PNPLA5: variants seen among roughly 807,000 people sequenced by gnomAD.
The protein encoded by PNPLA5 is patatin-like phospholipase domain-containing protein 5.
Under a neutral mutation model 49.1 loss-of-function variants are expected in PNPLA5, and 44 were observed. The ratio of observed to expected loss-of-function variants is 0.90; its 90% CI spans 0.70 to 1.15. PNPLA5 has a LOEUF of 1.15. PNPLA5 is among the 50% of genes most tolerant of loss of function. The pLI is 0.00. For missense variants in PNPLA5, 603 were observed against 564.0 expected (o/e 1.07, Z -0.70); for synonymous variants, 243 against 244.4 (o/e 0.99, Z 0.06).
chr22:43,887,244 C>T (rs1319465577), intron 5 of PNPLA5, among the ~76,000 whole-genome samples: 1 of 152,132 alleles, frequency 6.6e-6, no homozygotes, highest in Non-Finnish European at 1.5e-5. Context: ...GCTTATCTGT[C>T]ACTGCCTCCA....
intron 2 of PNPLA5, 65 bp downstream of exon 2, chr22:43,890,997 G>C: frequency 6.4e-7 from 1 of 1,553,432 alleles, no homozygotes. Flanking sequence ...GAAGTACCTG[G>C]ATGTCACTCT....
chr22:43,889,319 C>T lies in PNPLA5; in HGVS notation c.702+10G>A. 2.5e-6 allele frequency: 4 copies of T among 1,613,166 alleles called. No homozygotes were observed. Among genetic ancestry groups the T allele is most frequent in the Non-Finnish European group, 3.4e-6 (4 of 1,179,862 alleles). ...CCAAGCCTCTAACACCATCACAGGG[C>T]CAGACCTACCTCGAGGCTGGGGGGT... On this transcript the variant is annotated intron_variant, in intron 4 of 8. Transcript: ENST00000216177.
intron 7 of PNPLA5, 90 bp from the exon 8 acceptor site, chr22:43,881,764 G>C: frequency 6.6e-7 from 1 of 1,518,542 alleles, no homozygotes; most frequent in African/African-American, 1.4e-5. Flanking sequence ...GAGCACAGCC[G>C]GGAGCCCTGC....
chr22:43,886,575 C>A, intron 5 of PNPLA5, 87 bp from the exon 6 acceptor site: 1 of 1,507,152 alleles, frequency 6.6e-7, no homozygotes, highest in South Asian at 1.3e-5. Context: ...GAGCCCAAAC[C>A]CAGTTCTGGG....
intron 8 of PNPLA5, among the ~76,000 whole-genome samples, chr22:43,881,138 C>T (rs538203238): frequency 6.0e-4 from 92 of 152,302 alleles, no homozygotes; most frequent in Non-Finnish European, 1.1e-3. Flanking sequence ...GAGGGCCACA[C>T]AGGACCCCCC....
chr22:43,884,442 C>T, intron 6 of PNPLA5, 97 bp from the exon 7 acceptor site: 3 of 1,399,058 alleles, frequency 2.1e-6, no homozygotes, highest in Non-Finnish European at 2.8e-6. Context: ...TGCACCCCCT[C>T]CACCTTCTGC....
At chr22:43,885,951 C>G (rs1348752418) in intron 6 of PNPLA5, among the ~76,000 whole-genome samples, 1 of 152,240 alleles carries the variant, frequency 6.6e-6, no homozygotes, top group East Asian at 1.9e-4. Context: ...TCTGTCAACA[C>G]TCCCGCCCTT....
At chr22:43,891,573 G>A in intron 1 of PNPLA5, 115 bp downstream of exon 1, 1 of 1,351,218 alleles carries the variant, frequency 7.4e-7, no homozygotes, top group Admixed American at 3.1e-5. Context: ...ATTAAATGAG[G>A]CTGTGCCGGG....
chr22:43,881,630 A>G lies in PNPLA5; in HGVS notation c.1127T>C (p.Met376Thr), dbSNP rs145956190. Residue 376 changes from methionine to threonine, a missense_variant, in exon 8 of 9, where the codon ATG becomes ACG. Coordinates refer to ENST00000216177, the MANE Select transcript of PNPLA5 (RefSeq NM_138814.4). The part of the protein sequence containing the change: ...LPDVPADLWW[M>T]QGLLRNMALE... Reference sequence around the variant, plus strand: ...GGCCATGTTCCTCAGCAGGCCCTGCATCCACCACAAGTCCGCCGGCACATC... The same window carrying G: ...GGCCATGTTCCTCAGCAGGCCCTGCGTCCACCACAAGTCCGCCGGCACATC... 3.5e-5 allele frequency: 57 copies of G among 1,613,538 alleles called. No homozygotes were observed. The African/African-American group carries it at 7.1e-4, about 20-fold the overall frequency.
At chr22:43,889,214 T>G in intron 4 of PNPLA5, 115 bp downstream of exon 4, 1 of 1,162,920 alleles carries the variant, frequency 8.6e-7, no homozygotes, top group Non-Finnish European at 1.2e-6. Flanking sequence ...TCGGGACATG[T>G]GTTGTAACTG....
Position 43,880,760 on chromosome 22 carries a change from G to T in PNPLA5, c.*35C>A, listed in dbSNP as rs1009294724. On this transcript the variant is annotated 3_prime_UTR_variant, in exon 9 of 9. Transcript: ENST00000216177. ...ACAAAGGCCAGAGCAGGAATCAAGG[G>T]ACACCAGTCACTGGGCTGGCCCTGC... The T allele has an allele frequency of 7.7e-7, 1 of 1,305,536 alleles. No homozygotes were observed. The allele number at this position is 1,305,536 out of a possible 1,614,324, so 80.9% of individuals were successfully genotyped here.
rs773931970 is a variant in PNPLA5, at chr22:43,881,518, CA to C, written c.1199+39del. 6.5e-5 allele frequency: 100 copies of C among 1,534,460 alleles called. No individual in the cohort carries two copies. The East Asian group carries it at 2.2e-3, about 34-fold the overall frequency. ...AGCAGCTGGTGCGTTCCCCCCAGCACAGCCACCCCCTCTCCATCCCTGCCCT... is the reference window on the plus strand; with the variant it reads ...AGCAGCTGGTGCGTTCCCCCCAGCACGCCACCCCCTCTCCATCCCTGCCCT... On this transcript the variant is annotated intron_variant, in intron 8 of 8. Coordinates refer to ENST00000216177, the MANE Select transcript of PNPLA5 (RefSeq NM_138814.4).
At chr22:43,885,992 G>A (rs1034767962) in intron 6 of PNPLA5, among the ~76,000 whole-genome samples, 9 of 152,190 alleles carry the variant, frequency 5.9e-5, no homozygotes, top group Admixed American at 2.0e-4. Context: ...CCTGGCTTTC[G>A]CAGGCACAGG....
intron 2 of PNPLA5, 150 bp from the exon 3 acceptor site, chr22:43,890,014 C>T: frequency 7.0e-7 from 1 of 1,428,878 alleles, no homozygotes; most frequent in Non-Finnish European, 9.2e-7. Flanking sequence ...ACCTCCCAGC[C>T]AAGCTCTCCA....
intron 4 of PNPLA5, 79 bp downstream of exon 4, chr22:43,889,250 G>C: frequency 6.6e-7 from 1 of 1,520,060 alleles, no homozygotes; most frequent in South Asian, 1.2e-5. Flanking sequence ...GGCAGTGGGG[G>C]TTAGGAGCAC....
intron 6 of PNPLA5, among the ~76,000 whole-genome samples, chr22:43,884,848 G>A (rs2049646003): frequency 6.6e-6 from 1 of 152,224 alleles, no homozygotes; most frequent in Non-Finnish European, 1.5e-5. Flanking sequence ...CATCTGGGCT[G>A]GGACAGAGCC....
chr22:43,887,406 A>G (rs1380866813), intron 5 of PNPLA5, among the ~76,000 whole-genome samples, 185 bp downstream of exon 5: 1 of 152,164 alleles, frequency 6.6e-6, no homozygotes, highest in Non-Finnish European at 1.5e-5. Flanking sequence ...CGGGCTGCTC[A>G]ACAGTGGAAC....
Position 43,889,374 on chromosome 22 carries a change from C to A in PNPLA5, c.657G>T (p.Glu219Asp). The change falls in exon 4 of 9, where the codon GAG becomes GAT. Residue 219 changes from glutamate to aspartate, a missense_variant. Physicochemically the swap from Glu to Asp is conservative, Grantham distance 45. Transcript: ENST00000216177. ...VFNFSFQIST[E>D]NFFLGLICLI... ...GACATATGAGCCCCAGGAAGAAGTT[C>A]TCAGTGGAGATTTGGAAGCTGAAGT... The A allele has an allele frequency of 6.2e-7, 1 of 1,613,984 alleles. No homozygotes were observed. Among genetic ancestry groups the A allele is most frequent in the Non-Finnish European group, 8.5e-7 (1 of 1,179,998 alleles).
chr22:43,884,334 C>CT lies in PNPLA5; in HGVS notation c.960dup (p.Ala321SerfsTer100), dbSNP rs2049640587. 3 of 1,581,436 alleles carry CT rather than the reference C, an allele frequency of 1.9e-6. No homozygotes were observed. Among genetic ancestry groups the CT allele is most frequent in the Admixed American group, 1.8e-5 (1 of 55,918 alleles). ...CACCGGCTGGGATCCCTCGTACATGCTTTCTTCAGTGCTGCAAGAGAAGCC... is the reference window on the plus strand; with the variant it reads ...CACCGGCTGGGATCCCTCGTACATGCTTTTCTTCAGTGCTGCAAGAGAAGCC... On this transcript the variant is annotated frameshift_variant, in exon 7 of 9. Coordinates refer to ENST00000216177, the MANE Select transcript of PNPLA5 (RefSeq NM_138814.4). LOFTEE classifies it high-confidence loss of function.
Sources: gnomAD v4.1 joint callset for allele counts (sites outside exome capture counted in the v4.1 genomes callset) on GRCh38, gnomAD v4.1.1 for gene constraint, MANE v1.5 for transcripts, NCBI Gene and HGNC (gene_info 2026-07-23, HGNC 2026-07-21) for gene names.